Variants in LRRTM4 observed in about 807,000 individuals in gnomAD.
LRRTM4 encodes the protein leucine rich repeat transmembrane neuronal 4.
A neutral mutation model predicts 47.6 loss-of-function variants in LRRTM4; 25 were observed. The observed-to-expected ratio is 0.53, with a 90% CI of 0.38 to 0.73. LRRTM4 has a LOEUF of 0.73. Among genes scored for constraint, LRRTM4 ranks in the 30% least tolerant of loss-of-function variants. The pLI is 0.00. For synonymous variants in LRRTM4, 311 were observed against 269.5 expected (o/e 1.15, Z -1.51); for missense variants, 638 against 713.4 (o/e 0.89, Z 1.20).
At chr2:76,807,443 T>TATATATATATATATAC (rs1340328428) in intron 3 of LRRTM4, among the ~76,000 whole-genome samples, 1 of 99,506 alleles carries the variant, frequency 1.0e-5, no homozygotes, top group Non-Finnish European at 1.8e-5. Flanking sequence ...TATACGTATA[T>TATATATATATATATAC]ACATATATAT....
At chr2:77,225,833 A>G (rs1186838790) in intron 3 of LRRTM4, among the ~76,000 whole-genome samples, 1 of 152,064 alleles carries the variant, frequency 6.6e-6, no homozygotes, top group African/African-American at 2.4e-5. Flanking sequence ...TACATAAAGT[A>G]GCACATTCAA....
intron 3 of LRRTM4, among the ~76,000 whole-genome samples, chr2:77,362,561 C>T (rs1051774095): frequency 6.6e-6 from 1 of 152,140 alleles, no homozygotes; most frequent in Non-Finnish European, 1.5e-5. Flanking sequence ...GTTCAGATAT[C>T]ATCCTAAAAC....
intron 3 of LRRTM4, among the ~76,000 whole-genome samples, chr2:77,165,815 A>T (rs1025411565): frequency 3.5e-4 from 53 of 152,228 alleles, no homozygotes; most frequent in African/African-American, 1.2e-3. Context: ...TTATCTCAAA[A>T]TAATAAGAGC....
At chr2:77,119,267 C>G (rs376555828) in intron 3 of LRRTM4, among the ~76,000 whole-genome samples, 1 of 151,814 alleles carries the variant, frequency 6.6e-6, no homozygotes, top group South Asian at 2.1e-4. Context: ...CCTTCTGCTG[C>G]TTCTAAATTT....
chr2:76,989,878 A>C (rs891806808), intron 3 of LRRTM4: 4 of 151,846 alleles, frequency 2.6e-5, no homozygotes, highest in African/African-American at 9.7e-5. Flanking sequence ...CAATGGGAGA[A>C]ATGATAGAAG....
chr2:77,251,168 T>G, intron 3 of LRRTM4, among the ~76,000 whole-genome samples: 2 of 36,618 alleles, frequency 5.5e-5, no homozygotes, highest in Admixed American at 6.7e-4. Context: ...TACATATATA[T>G]GTGTGTGTGT....
At chr2:77,398,100 C>A (rs2103828995) in intron 3 of LRRTM4, among the ~76,000 whole-genome samples, 1 of 151,972 alleles carries the variant, frequency 6.6e-6, no homozygotes, top group African/African-American at 2.4e-5. Flanking sequence ...CTACTTTGAA[C>A]TCCTAATTCT....
intron 3 of LRRTM4, among the ~76,000 whole-genome samples, chr2:77,297,391 A>G (rs1012835793): frequency 1.3e-5 from 2 of 152,218 alleles, no homozygotes; most frequent in African/African-American, 4.8e-5. Context: ...TAATTATTTT[A>G]TAGTCACTAT....
At chr2:77,124,073 T>C (rs971283799) in intron 3 of LRRTM4, among the ~76,000 whole-genome samples, 2 of 151,404 alleles carry the variant, frequency 1.3e-5, no homozygotes, top group Non-Finnish European at 2.9e-5. Flanking sequence ...CTACTCATTT[T>C]TCTAGTCATA....
At chr2:76,766,277 A>G (rs1517780) in intron 3 of LRRTM4, among the ~76,000 whole-genome samples, 1 of 151,976 alleles carries the variant, frequency 6.6e-6, no homozygotes, top group African/African-American at 2.4e-5. Context: ...CATTTAACAT[A>G]CAATTGAAAT....
chr2:77,383,792 G>C (rs1304100451), intron 3 of LRRTM4, among the ~76,000 whole-genome samples: 3 of 151,978 alleles, frequency 2.0e-5, no homozygotes, highest in Non-Finnish European at 4.4e-5. Flanking sequence ...GATTCTGGAA[G>C]CACTGACCAG....
intron 3 of LRRTM4, among the ~76,000 whole-genome samples, chr2:77,507,608 G>A (rs1174060559): frequency 6.6e-6 from 1 of 151,730 alleles, no homozygotes; most frequent in Non-Finnish European, 1.5e-5. Flanking sequence ...TTTCAAGATT[G>A]ACATCTAAGT....
At chr2:77,178,592 AAACAACAAC>A (rs572583930) in intron 3 of LRRTM4, among the ~76,000 whole-genome samples, 13 of 152,016 alleles carry the variant, frequency 8.6e-5, no homozygotes, top group South Asian at 2.1e-4. Context: ...TCTCAAAAAC[AAACAACAAC>A]AACAACAACA....
intron 3 of LRRTM4, among the ~76,000 whole-genome samples, chr2:77,467,064 A>C (rs184732173): frequency 1.3e-5 from 2 of 152,092 alleles, no homozygotes; most frequent in African/African-American, 4.8e-5. Context: ...TAAATAACTA[A>C]ATTTCACATG....
At chr2:77,050,303 T>C (rs760482651) in intron 3 of LRRTM4, among the ~76,000 whole-genome samples, 3 of 152,140 alleles carry the variant, frequency 2.0e-5, no homozygotes, top group Non-Finnish European at 4.4e-5. Context: ...GCTACCACTT[T>C]TGGATGGGCC....
At chr2:77,290,501 C>A (rs553768704) in intron 3 of LRRTM4, among the ~76,000 whole-genome samples, 1 of 151,756 alleles carries the variant, frequency 6.6e-6, no homozygotes, top group African/African-American at 2.4e-5. Context: ...AATAGGTCAA[C>A]TACAGTTAAC....
chr2:76,862,923 T>G (rs537906531), intron 3 of LRRTM4, among the ~76,000 whole-genome samples: 1 of 152,338 alleles, frequency 6.6e-6, no homozygotes, highest in South Asian at 2.1e-4. Flanking sequence ...ATATGTATAT[T>G]GTCTTGTAAC....
intron 3 of LRRTM4, among the ~76,000 whole-genome samples, chr2:77,322,952 A>G (rs928390334): frequency 1.3e-5 from 2 of 151,796 alleles, no homozygotes; most frequent in African/African-American, 4.8e-5. Flanking sequence ...TAAAAACACT[A>G]CAATAGTAAT....
intron 2 of LRRTM4, among the ~76,000 whole-genome samples, chr2:77,520,733 A>G (rs78634886): frequency 0.017 from 2,548 of 152,192 alleles, 193 homozygotes; most frequent in Admixed American, 0.14. Flanking sequence ...ATTTTTCTCT[A>G]CATCACCCTG....
Sources: allele counts gnomAD v4.1 joint callset (sites outside exome capture counted in the v4.1 genomes callset), GRCh38; gene constraint gnomAD v4.1.1; transcripts MANE v1.5; gene names NCBI Gene and HGNC (gene_info 2026-07-23, HGNC 2026-07-21).